The following RIMS4 variants were observed in gnomAD, a reference collection of about 807,000 sequenced individuals.
RIMS4 encodes the protein regulating synaptic membrane exocytosis protein 4.
Under a neutral mutation model 29.0 loss-of-function variants are expected in RIMS4, and 9 were observed. The ratio of observed to expected loss-of-function variants is 0.31; its 90% confidence interval spans 0.19 to 0.54. The LOEUF (loss-of-function observed/expected upper bound fraction) is 0.54. RIMS4 is among the 20% of genes least tolerant of loss of function. The probability of loss-of-function intolerance (pLI) is 0.94; values close to 1 mark genes in which losing one functional copy is unlikely to be tolerated. For missense variants in RIMS4, 193 were observed against 365.7 expected (o/e 0.53, Z 3.85); for synonymous variants, 130 against 152.9 (o/e 0.85, Z 1.10).
chr20:44,757,834 T>C (rs1479818347), intron 3 of RIMS4, 63 bp from the exon 4 acceptor site: 2 of 1,424,704 alleles, frequency 1.4e-6, no homozygotes, highest in African/African-American at 2.8e-5. Context: ...TGGACTCAGC[T>C]CTTCTCCTTT....
Position 44,756,872 on chromosome 20 carries a change from C to T in RIMS4, c.591+26G>A, listed in dbSNP as rs1201239213. On this transcript the variant is annotated intron_variant, in intron 5 of 5. Coordinates refer to ENST00000372851, the MANE Select transcript of RIMS4 (RefSeq NM_182970.4). This position sits in a 1 kb window ranked among gnomAD's most constrained non-coding sequence, Gnocchi z 5.9. ...GCATGTGTGCTCGTGCACACACACA[C>T]ACGTGAGCGCGTCAATGCCCCTCAC... The T allele has an allele frequency of 1.2e-6, 2 of 1,610,906 alleles. No individual in the cohort carries two copies. Among genetic ancestry groups the T allele is most frequent in the Non-Finnish European group, 1.7e-6 (2 of 1,178,222 alleles).
chr20:44,774,017 C>T (rs2066148779), intron 1 of RIMS4, among the ~76,000 whole-genome samples: 1 of 152,180 alleles, frequency 6.6e-6, no homozygotes. Flanking sequence ...CCCTTGTAGA[C>T]TCATTTTTTT....
At chr20:44,759,325 T>C (rs555238288) in intron 2 of RIMS4, among the ~76,000 whole-genome samples, 3 of 152,244 alleles carry the variant, frequency 2.0e-5, no homozygotes, top group East Asian at 3.9e-4. Flanking sequence ...TCTTGGCTCA[T>C]TGCAGCTTCG....
At chr20:44,759,274 G>C (rs1018670286) in intron 2 of RIMS4, among the ~76,000 whole-genome samples, 2 of 151,842 alleles carry the variant, frequency 1.3e-5, no homozygotes, top group Non-Finnish European at 2.9e-5. Context: ...TTTTGAGACA[G>C]AGTTTCCCTC....
chr20:44,761,157 G>A (rs938346099), intron 2 of RIMS4, among the ~76,000 whole-genome samples: 2 of 152,134 alleles, frequency 1.3e-5, no homozygotes, highest in Non-Finnish European at 2.9e-5. Flanking sequence ...TAGCAACAGC[G>A]AACTCCCAGT....
At chr20:44,787,527 C>T (rs561967791) in intron 1 of RIMS4, among the ~76,000 whole-genome samples, 5 of 152,180 alleles carry the variant, frequency 3.3e-5, no homozygotes, top group Admixed American at 3.3e-4. Flanking sequence ...GACGGGAACA[C>T]CGGCCGCCTG....
At chr20:44,782,031 AG>A (rs2066186715) in intron 1 of RIMS4, among the ~76,000 whole-genome samples, 5 of 152,256 alleles carry the variant, frequency 3.3e-5, no homozygotes. Flanking sequence ...CTCTGGAGCC[AG>A]AAAAACTGAG....
chr20:44,795,907 CA>C (rs1175674504), intron 1 of RIMS4, among the ~76,000 whole-genome samples: 2 of 151,970 alleles, frequency 1.3e-5, no homozygotes, highest in Non-Finnish European at 2.9e-5. Flanking sequence ...CTGGAAAATA[CA>C]AAAAAAGCAC....
chr20:44,805,173 G>C (rs1383350156), intron 1 of RIMS4, among the ~76,000 whole-genome samples: 1 of 152,032 alleles, frequency 6.6e-6, no homozygotes, highest in Non-Finnish European at 1.5e-5. Flanking sequence ...AGGGGTGGTG[G>C]TGCATGCCTG....
chr20:44,762,149 G>A (rs2066088176), intron 2 of RIMS4, among the ~76,000 whole-genome samples: 1 of 152,222 alleles, frequency 6.6e-6, no homozygotes. Flanking sequence ...GTTCACAGCA[G>A]GGTTCATGCT....
chr20:44,766,764 TGC>T (rs989759186), intron 2 of RIMS4, among the ~76,000 whole-genome samples: 2 of 152,154 alleles, frequency 1.3e-5, no homozygotes, highest in Non-Finnish European at 2.9e-5. Context: ...TAGCAGGCTC[TGC>T]TGGGCCATCC....
At chr20:44,777,613 C>G (rs1483487643) in intron 1 of RIMS4, among the ~76,000 whole-genome samples, 1 of 152,140 alleles carries the variant, frequency 6.6e-6, no homozygotes, top group Non-Finnish European at 1.5e-5. Context: ...TGTGTGAAAA[C>G]AGATCATCAT....
intron 1 of RIMS4, among the ~76,000 whole-genome samples, chr20:44,793,744 T>C (rs6017422): frequency 0.47 from 71,989 of 151,824 alleles, 18,791 homozygotes; most frequent in African/African-American, 0.69. Flanking sequence ...GCTGGCGACC[T>C]GAGATCAGGG....
chr20:44,784,623 A>G (rs563166376), intron 1 of RIMS4, among the ~76,000 whole-genome samples: 3 of 152,350 alleles, frequency 2.0e-5, no homozygotes, highest in Admixed American at 6.5e-5. Flanking sequence ...GTGTCCACTA[A>G]GGCTTCTCAA....
intron 1 of RIMS4, among the ~76,000 whole-genome samples, chr20:44,771,965 C>T (rs539206556): frequency 3.2e-4 from 49 of 152,172 alleles, no homozygotes; most frequent in African/African-American, 1.2e-3. Context: ...GCCAAATAGC[C>T]CCTAGGCAGC....
At chr20:44,790,410 C>T (rs2066227937) in intron 1 of RIMS4, among the ~76,000 whole-genome samples, 1 of 152,210 alleles carries the variant, frequency 6.6e-6, no homozygotes, top group Admixed American at 6.5e-5. Context: ...TACCTCCTCC[C>T]CAGGCTCCTC....
intron 1 of RIMS4, among the ~76,000 whole-genome samples, chr20:44,772,935 C>G (rs2066143204): frequency 1.3e-5 from 2 of 152,194 alleles, no homozygotes; most frequent in Non-Finnish European, 2.9e-5. Context: ...CTCCCTGCCT[C>G]TAAGAATCAC....
intron 1 of RIMS4, among the ~76,000 whole-genome samples, chr20:44,805,151 A>G (rs2066293306): frequency 6.6e-6 from 1 of 151,760 alleles, no homozygotes; most frequent in African/African-American, 2.4e-5. Context: ...GAAAAAAAAA[A>G]GAAAATTAGC....
chr20:44,805,787 G>C (rs1568909044), intron 1 of RIMS4, among the ~76,000 whole-genome samples: 1 of 152,138 alleles, frequency 6.6e-6, no homozygotes, highest in Non-Finnish European at 1.5e-5. Context: ...GGGAGGGGGA[G>C]AACTCCAGTG....
Sources: gnomAD v4.1 joint callset for allele counts (sites outside exome capture counted in the v4.1 genomes callset) on GRCh38, gnomAD v4.1.1 for gene constraint, Gnocchi (gnomAD v3.1) non-coding constraint, MANE v1.5 for transcripts, NCBI Gene and HGNC (gene_info 2026-07-23, HGNC 2026-07-21) for gene names.